The following LRIG3 variants were observed in gnomAD, a reference collection of about 807,000 sequenced individuals.
LRIG3 encodes the protein leucine rich repeats and immunoglobulin like domains 3.
Under a neutral mutation model 114.5 loss-of-function variants are expected in LRIG3, and 76 were observed. The ratio of observed to expected loss-of-function variants is 0.66; its 90% CI spans 0.55 to 0.80. The LOEUF (loss-of-function observed/expected upper bound fraction) is 0.80, where lower values mean the gene tolerates loss of function less well. LRIG3 is among the 30% of genes least tolerant of loss of function. LRIG3 has a pLI of 0.00. For missense variants in LRIG3, 1,239 were observed against 1,382.8 expected, an observed-to-expected ratio of 0.90 and a Z score of 1.65; for synonymous variants, 512 against 519.8, an observed-to-expected ratio of 0.98 and a Z score of 0.20.
intron 1 of LRIG3, among the ~76,000 whole-genome samples, chr12:58,917,514 A>G (rs1055401537): frequency 6.6e-6 from 1 of 152,174 alleles, no homozygotes; most frequent in African/African-American, 2.4e-5. Context: ...TTTAAGAGCC[A>G]CTTTCATTAA....
intron 12 of LRIG3, 39 bp downstream of exon 12, chr12:58,882,827 AAAG>A (rs763612910): frequency 2.6e-6 from 4 of 1,539,732 alleles, no homozygotes; most frequent in South Asian, 2.5e-5. Context: ...GAGGGGGAAA[AAAG>A]AAGAATAAAT....
rs903516237 is a variant in LRIG3 at position 58,920,052 on chromosome 12, G to C, written c.184C>G (p.Arg62Gly). The C allele has an allele frequency of 3.2e-6, 5 of 1,554,436 alleles. No individual in the cohort carries two copies. The highest frequency in any genetic ancestry group is 4.4e-6 in the Non-Finnish European group (5 of 1,149,288). ...TCGGGAAGACGCGCTAGCCGCTTAC[G>C]ACTGCAGTCCAGCAGGTCCCCGAGG... ...RCLGDLLDCS[R>G]KRLARLPEPL... The change falls in exon 1 of 19, where the codon CGT becomes GGT. Residue 62 changes from arginine to glycine, a missense_variant. Physicochemically the swap from Arg to Gly is moderately radical, Grantham distance 125. Coordinates refer to ENST00000320743, the MANE Select transcript of LRIG3 (RefSeq NM_153377.5).
At chr12:58,880,548 T>C in intron 13 of LRIG3, 33 bp downstream of exon 13, 1 of 1,596,282 alleles carries the variant, frequency 6.3e-7, no homozygotes, top group Non-Finnish European at 8.6e-7. Flanking sequence ...AAAAGGTATC[T>C]TTAAATGCTA....
rs897500084 is a variant in LRIG3, at chr12:58,889,311, G to A, written c.660-349C>T. Among the ~76,000 whole-genome samples, 4 of 152,120 alleles carry A rather than the reference G, an allele frequency of 2.6e-5. No individual in the cohort carries two copies. In the South Asian group the frequency reaches 8.3e-4, roughly 31 times the overall value. On this transcript the variant is annotated intron_variant, in intron 5 of 18. Transcript: ENST00000320743. ...ACACTAAAACATGAGGTCTATCAAGGAGCTGGGCCTCAAGTTTATCCTGTA... is the reference window on the plus strand; with the variant it reads ...ACACTAAAACATGAGGTCTATCAAGAAGCTGGGCCTCAAGTTTATCCTGTA...
intron 3 of LRIG3, among the ~76,000 whole-genome samples, chr12:58,903,793 G>A (rs1871957837): frequency 6.6e-6 from 1 of 151,934 alleles, no homozygotes; most frequent in Non-Finnish European, 1.5e-5. Flanking sequence ...TGGCTAGCCA[G>A]TTTTCCCAGC....
Position 58,877,756 on chromosome 12 carries a change from T to G in LRIG3, c.2180A>C (p.Lys727Thr). The change falls in exon 15 of 19, where the codon AAA (lysine) becomes ACA (threonine). Residue 727 changes from lysine to threonine, a missense_variant. Lys to Thr is a moderately conservative substitution (Grantham distance 78). Transcript: ENST00000320743. Reference sequence around the variant, plus strand: ...GCTATCATCTTTGGTCCAGTTCAGTTTAGGGGGAGGGCTTCCTCCAGCAAT... The same window carrying G: ...GCTATCATCTTTGGTCCAGTTCAGTGTAGGGGGAGGGCTTCCTCCAGCAAT... ...QCIAGGSPPP[K>T]LNWTKDDSPL... is the part of the protein sequence containing the mutation. The G allele has an allele frequency of 1.9e-6, 3 of 1,614,176 alleles. No homozygotes were observed. The highest frequency in any genetic ancestry group is 1.3e-5 in the African/African-American group (1 of 75,052).
At chr12:58,876,026 T>C (rs1346901020) in intron 16 of LRIG3, among the ~76,000 whole-genome samples, 1 of 152,248 alleles carries the variant, frequency 6.6e-6, no homozygotes, top group Non-Finnish European at 1.5e-5. Context: ...CACTCCAGCC[T>C]GGGTGACAGA....
At position 58,876,643 on chromosome 12, in the gene LRIG3, C is replaced by G. The variant is rs148809438; in HGVS notation, c.2537-40G>C. 3.7e-6 allele frequency: 6 copies of G among 1,607,366 alleles called. No individual in the cohort carries two copies. The Admixed American group carries it at 6.7e-5, about 18-fold the overall frequency. ...CAGCATTTTATTAACCAAGGATGAT[C>G]GTTAATTGTCCCACAGGCATCCCGG... On this transcript the variant is annotated intron_variant, in intron 15 of 18. Transcript: ENST00000320743.
chr12:58,872,675 T>C lies in LRIG3; in HGVS notation c.3257A>G (p.Lys1086Arg). The C allele has an allele frequency of 6.2e-7, 1 of 1,614,136 alleles. No individual in the cohort carries two copies. ...TTCTTCCTGAAAATCTGTCCTTTCT[T>C]TCCCATCTTCCTCTGACCCAGAGTC... is the stretch of plus-strand genomic sequence containing the variant. ...DLDSGSEEDG[K>R]ERTDFQEENH... Residue 1086 changes from lysine (K) to arginine (R), a missense_variant, in exon 19 of 19, where the codon AAA (lysine) becomes AGA (arginine). Transcript: ENST00000320743.
intron 3 of LRIG3, among the ~76,000 whole-genome samples, chr12:58,907,842 T>A (rs1315748899): frequency 6.6e-6 from 1 of 152,158 alleles, no homozygotes; most frequent in Non-Finnish European, 1.5e-5. Context: ...GAGCACCTTC[T>A]GTGTGTCTGA....
At chr12:58,883,943 TAAA>T (rs1369840850) in intron 10 of LRIG3, among the ~76,000 whole-genome samples, 2 of 152,174 alleles carry the variant, frequency 1.3e-5, no homozygotes, top group African/African-American at 4.8e-5. Flanking sequence ...AATATACAAA[TAAA>T]AAATAAAAAT....
chr12:58,880,492 A>G (rs546976970), intron 13 of LRIG3, 89 bp downstream of exon 13: 3 of 1,294,108 alleles, frequency 2.3e-6, no homozygotes, highest in Non-Finnish European at 3.3e-6. Flanking sequence ...TGAGAAGAAA[A>G]GACAGGGTTA....
Position 58,877,409 on chromosome 12 carries a change from T to A in LRIG3, c.2527A>T (p.Thr843Ser). ...TRRRNEDCSITNTDETNLPAD... is the reference protein window; with the variant it reads ...TRRRNEDCSISNTDETNLPAD... ...GCTTCTGTTTACACACCTGTGTTGG[T>A]AATGCTGCAATCTTCATTCCTCCGC... The change falls in exon 15 of 19, where the codon ACC becomes TCC. Residue 843 changes from threonine to serine, a missense_variant. Transcript: ENST00000320743. 6.2e-7 allele frequency: 1 copy of A among 1,613,768 alleles called. No homozygotes were observed. The highest frequency in any genetic ancestry group is 8.5e-7 in the Non-Finnish European group (1 of 1,179,702).
intron 16 of LRIG3, among the ~76,000 whole-genome samples, chr12:58,875,765 T>C (rs1870894461): frequency 6.6e-6 from 1 of 152,162 alleles, no homozygotes; most frequent in Non-Finnish European, 1.5e-5. Context: ...AGAGGCTGGG[T>C]GCGGTGGCTC....
chr12:58,902,211 T>C (rs1871878947), intron 3 of LRIG3, among the ~76,000 whole-genome samples: 1 of 152,180 alleles, frequency 6.6e-6, no homozygotes, highest in African/African-American at 2.4e-5. Context: ...CCTAGGTCGA[T>C]ACTTTGTGTG....
At chr12:58,918,030 A>G (rs1872543218) in intron 1 of LRIG3, among the ~76,000 whole-genome samples, 1 of 152,240 alleles carries the variant, frequency 6.6e-6, no homozygotes, top group African/African-American at 2.4e-5. Context: ...TATTTACAAT[A>G]AAGAATCCAG....
intron 3 of LRIG3, among the ~76,000 whole-genome samples, chr12:58,908,103 AT>A (rs1483808432): frequency 6.6e-6 from 1 of 152,222 alleles, no homozygotes; most frequent in African/African-American, 2.4e-5. Context: ...AATTTCCTGC[AT>A]CCCCAAAGCA....
Position 58,886,890 on chromosome 12 carries a change from C to A in LRIG3, c.1092G>T (p.Leu364Phe). Residue 364 changes from leucine to phenylalanine, a missense_variant and splice_region_variant, in exon 9 of 19, where the codon TTG becomes TTT. By Grantham distance (22) the Leu-to-Phe change is conservative (BLOSUM62 0). Coordinates refer to ENST00000320743, the MANE Select transcript of LRIG3 (RefSeq NM_153377.5). ...AFRGLSSLKT[L>F]DLKNNEISWT... is the part of the protein sequence containing the mutation. ...AGGAAATTTCATTGTTCTTCAGATC[C>A]CTAATTTTAAAAGAAGCATTCCCTT... The A allele has an allele frequency of 6.2e-7, 1 of 1,611,804 alleles. No homozygotes were observed. Among genetic ancestry groups the A allele is most frequent in the Non-Finnish European group, 8.5e-7 (1 of 1,178,272 alleles).
At chr12:58,914,989 C>G (rs1872423683) in intron 1 of LRIG3, among the ~76,000 whole-genome samples, 1 of 152,154 alleles carries the variant, frequency 6.6e-6, no homozygotes, top group African/African-American at 2.4e-5. Context: ...AACTTGTGAA[C>G]AGATTTCAAT....
Sources: allele counts gnomAD v4.1 joint callset (sites outside exome capture counted in the v4.1 genomes callset), GRCh38; gene constraint gnomAD v4.1.1; transcripts MANE v1.5; gene names NCBI Gene and HGNC (gene_info 2026-07-23, HGNC 2026-07-21).